Variants in P2RY6 observed in about 807,000 individuals in gnomAD.
The protein encoded by P2RY6 is P2Y purinoceptor 6.
In P2RY6, 19 loss-of-function variants were observed where a neutral mutation model predicts 16.3. The ratio of observed to expected loss-of-function variants is 1.16; its 90% CI spans 0.81 to 1.71. The LOEUF is 1.71. Among genes scored for constraint, P2RY6 ranks in the 40% most tolerant of loss-of-function variants. The pLI is 0.00. For synonymous variants in P2RY6, 184 were observed against 201.5 expected (o/e 0.91, Z 0.74); for missense variants, 389 against 455.5 (o/e 0.85, Z 1.33).
At chr11:73,292,808 C>G in intron 1 of P2RY6, 2 of 985,344 alleles carry the variant, frequency 2.0e-6, no homozygotes, top group Non-Finnish European at 2.4e-6. Flanking sequence ...CTCACTCTGT[C>G]AGAGAAGTTG....
chr11:73,294,736 T>G (rs1864405277), intron 1 of P2RY6, among the ~76,000 whole-genome samples: 1 of 152,246 alleles, frequency 6.6e-6, no homozygotes, highest in African/African-American at 2.4e-5. Flanking sequence ...TTCTCTAATA[T>G]AACTTTAAAA....
intron 1 of P2RY6, among the ~76,000 whole-genome samples, chr11:73,275,403 T>A (rs1281361698): frequency 6.6e-6 from 1 of 152,106 alleles, no homozygotes; most frequent in Non-Finnish European, 1.5e-5. Context: ...AGTTCCTGAG[T>A]GTCCTATCCC....
chr11:73,266,722 C>G (rs1295039598), intron 1 of P2RY6, among the ~76,000 whole-genome samples: 1 of 152,180 alleles, frequency 6.6e-6, no homozygotes, highest in Non-Finnish European at 1.5e-5. Flanking sequence ...GTGGAAACAT[C>G]TGGGGAGGGA....
At chr11:73,267,863 G>A (rs1863157038), upstream of P2RY6, among the ~76,000 whole-genome samples, 1 of 152,244 alleles carries the variant, frequency 6.6e-6, no homozygotes, top group Admixed American at 6.5e-5. Flanking sequence ...TGTTCTTGGG[G>A]AAACCTGTTA....
chr11:73,274,774 C>T lies in P2RY6; in HGVS notation c.-121+2308C>T, dbSNP rs1863464926. Among the ~76,000 whole-genome samples, 3 of 152,150 alleles carry T rather than the reference C, an allele frequency of 2.0e-5. No homozygotes were observed. In the South Asian group the frequency reaches 6.2e-4, roughly 32 times the overall value. ...GTCGGCAGAACCTGGCAACAGGTGC[C>T]CATTACAGCAGAGGACCCGGGGCCT... On this transcript the variant is annotated intron_variant, in intron 1 of 2. Transcript: ENST00000540124.
intron 1 of P2RY6, among the ~76,000 whole-genome samples, chr11:73,290,290 GAAAGAAAGAAAGA>G (rs1409349583): frequency 2.3e-5 from 3 of 127,956 alleles, no homozygotes; most frequent in South Asian, 2.4e-4. Flanking sequence ...AGGAAAGAAA[GAAAGAAAGAAAGA>G]AAAGAAAGAA....
intron 1 of P2RY6, chr11:73,293,044 AGG>A (rs951164324): frequency 4.8e-6 from 2 of 412,668 alleles, no homozygotes; most frequent in African/African-American, 4.3e-5. Flanking sequence ...GACTTAAAGG[AGG>A]GCCACAGAGT....
At chr11:73,267,661 G>C (rs747555171), upstream of P2RY6, among the ~76,000 whole-genome samples, 15 of 152,292 alleles carry the variant, frequency 9.8e-5, no homozygotes, top group African/African-American at 3.6e-4. Context: ...GCATAGGCTG[G>C]GGGGTGGAGA....
chr11:73,290,589 C>T (rs2135744254), intron 1 of P2RY6, among the ~76,000 whole-genome samples: 1 of 152,250 alleles, frequency 6.6e-6, no homozygotes, highest in African/African-American at 2.4e-5. Flanking sequence ...ATTTATTTCT[C>T]ACAGAGGTTA....
intron 1 of P2RY6, among the ~76,000 whole-genome samples, chr11:73,282,680 G>C (rs749273140): frequency 6.6e-6 from 1 of 152,170 alleles, no homozygotes; most frequent in African/African-American, 2.4e-5. Context: ...TTCCACTAAT[G>C]GGAGCTCCTC....
intron 1 of P2RY6, among the ~76,000 whole-genome samples, chr11:73,266,020 G>T (rs1863090795): frequency 6.6e-6 from 1 of 152,162 alleles, no homozygotes; most frequent in African/African-American, 2.4e-5. Flanking sequence ...CTAACAGCTG[G>T]TGACAAAACT....
intron 1 of P2RY6, among the ~76,000 whole-genome samples, chr11:73,282,497 C>T (rs1308837209): frequency 6.6e-6 from 1 of 152,176 alleles, no homozygotes; most frequent in Non-Finnish European, 1.5e-5. Flanking sequence ...CTTGCAGGTA[C>T]TCTGAGGTCC....
rs1360865356 is a variant in P2RY6, at chr11:73,297,387, C to T, written c.869C>T (p.Ala290Val). 4 of 1,612,206 alleles carry T rather than the reference C, an allele frequency of 2.5e-6. No homozygotes were observed. The highest frequency in any genetic ancestry group is 3.4e-6 in the Non-Finnish European group (4 of 1,180,034). Residue 290 changes from alanine to valine, a missense_variant, in exon 3 of 3, where the codon GCC (alanine) becomes GTC (valine). Physicochemically the swap from Ala to Val is moderately conservative, Grantham distance 64. Coordinates refer to ENST00000540124, the MANE Select transcript of P2RY6 (RefSeq NM_001277204.2). ...GCCTACAAAGGCACGCGGCCGTTTG[C>T]CAGTGCCAACAGCGTGCTGGACCCC... ...AAAYKGTRPF[A>V]SANSVLDPIL... is the part of the protein sequence containing the mutation.
Position 73,297,057 on chromosome 11 carries a change from T to C in P2RY6, c.539T>C (p.Leu180Pro). The change falls in exon 3 of 3, where the codon CTC becomes CCC. Residue 180 changes from leucine (L) to proline (P), a missense_variant. Physicochemically the swap from Leu to Pro is moderately conservative, Grantham distance 98. Transcript: ENST00000540124. ...CGTAACCGCACTGTCTGCTATGACC[T>C]CAGCCCGCCTGCCCTGGCCACCCAC... ...IQRNRTVCYD[L>P]SPPALATHYM... The C allele has an allele frequency of 6.2e-7, 1 of 1,601,216 alleles. No homozygotes were observed. Among genetic ancestry groups the C allele is most frequent in the Non-Finnish European group, 8.5e-7 (1 of 1,179,946 alleles).
chr11:73,295,858 C>T lies in P2RY6; in HGVS notation c.-35+43C>T, dbSNP rs1864451275. ...ATTGGTTAACTAAGAGTTATCAGGG[C>T]CCTTTTCCGCCCCAGACCCTGGGCG... On this transcript the variant is annotated intron_variant, in intron 2 of 2. Transcript: ENST00000540124. The T allele has an allele frequency of 4.0e-5, 33 of 820,172 alleles. No individual in the cohort carries two copies. In the South Asian group the frequency reaches 8.3e-4, roughly 21 times the overall value. 50.8% of individuals were successfully genotyped at this position (820,172 alleles called of 1,614,324 possible). A position where few individuals can be genotyped will look rare whatever the true frequency, so the allele number is the denominator to read the frequency against.
At chr11:73,268,102 G>A (rs973100183), upstream of P2RY6, among the ~76,000 whole-genome samples, 1 of 152,278 alleles carries the variant, frequency 6.6e-6, no homozygotes, top group Non-Finnish European at 1.5e-5. Flanking sequence ...GTGTGCATAT[G>A]TATGTGTGAA....
At chr11:73,284,967 C>T (rs1448495901) in intron 1 of P2RY6, among the ~76,000 whole-genome samples, 1 of 152,202 alleles carries the variant, frequency 6.6e-6, no homozygotes, top group Non-Finnish European at 1.5e-5. Context: ...GCGTAGGAAT[C>T]ACACATGCAC....
At chr11:73,291,929 C>T (rs1475312171) in intron 1 of P2RY6, among the ~76,000 whole-genome samples, 3 of 152,252 alleles carry the variant, frequency 2.0e-5, no homozygotes, top group African/African-American at 7.2e-5. Flanking sequence ...ACCATCCTCC[C>T]ATGCCACCTG....
intron 2 of P2RY6, among the ~76,000 whole-genome samples, chr11:73,296,235 T>A (rs4944023): frequency 0.41 from 42,616 of 103,674 alleles, 7,581 homozygotes; most frequent in East Asian, 0.53. Context: ...AAAAAAAAAA[T>A]ATATATATAT....
Sources: allele counts gnomAD v4.1 joint callset (sites outside exome capture counted in the v4.1 genomes callset), GRCh38; gene constraint gnomAD v4.1.1; transcripts MANE v1.5; gene names NCBI Gene and HGNC (gene_info 2026-07-23, HGNC 2026-07-21).